KAZN: variants seen among roughly 807,000 people sequenced by gnomAD.
KAZN encodes kazrin.
A neutral mutation model predicts 87.4 loss-of-function variants in KAZN; 40 were observed. The observed-to-expected ratio is 0.46, with a 90% CI of 0.36 to 0.60. The LOEUF is 0.60. Among genes scored for constraint, KAZN ranks in the 20% least tolerant of loss-of-function variants. KAZN has a pLI of 0.00. For synonymous variants in KAZN, 466 were observed against 458.3 expected, an observed-to-expected ratio of 1.02 and a Z score of -0.22; for missense variants, 898 against 1,073.9, an observed-to-expected ratio of 0.84 and a Z score of 2.29.
At chr1:14,719,757 T>G (rs1488396438) in intron 1 of KAZN, among the ~76,000 whole-genome samples, 3 of 152,132 alleles carry the variant, frequency 2.0e-5, no homozygotes, top group Non-Finnish European at 4.4e-5. Flanking sequence ...GAGAATCACT[T>G]GAACCCAGGA....
chr1:14,874,519 T>TGGACGGAC (rs60411068), intron 1 of KAZN, among the ~76,000 whole-genome samples: 1 of 144,476 alleles, frequency 6.9e-6, no homozygotes, highest in South Asian at 2.1e-4. Flanking sequence ...GATGGATGGA[T>TGGACGGAC]GGACAGATGG....
intron 2 of KAZN, among the ~76,000 whole-genome samples, chr1:14,498,407 G>A (rs1403919836): frequency 6.6e-6 from 1 of 152,202 alleles, no homozygotes; most frequent in African/African-American, 2.4e-5. Flanking sequence ...AAACTGGAGG[G>A]TAGGCCAGGC....
At chr1:14,412,711 C>A (rs1241228624) in intron 2 of KAZN, among the ~76,000 whole-genome samples, 1 of 151,612 alleles carries the variant, frequency 6.6e-6, no homozygotes, top group Non-Finnish European at 1.5e-5. Context: ...CTAAACCAGT[C>A]TATAAAGTTA....
chr1:14,281,916 G>A (rs548349930), intron 2 of KAZN, among the ~76,000 whole-genome samples: 1 of 152,094 alleles, frequency 6.6e-6, no homozygotes, highest in South Asian at 2.1e-4. Flanking sequence ...GGGACTTTTG[G>A]GTAAAGTCCT....
chr1:15,037,559 G>C (rs1032157441), intron 3 of KAZN, among the ~76,000 whole-genome samples: 1 of 152,070 alleles, frequency 6.6e-6, no homozygotes, highest in Non-Finnish European at 1.5e-5. Context: ...GGAAAGCAAG[G>C]GGGGTAGGGG....
intron 1 of KAZN, among the ~76,000 whole-genome samples, chr1:14,796,639 T>A (rs545456915): frequency 6.6e-6 from 1 of 152,362 alleles, no homozygotes; most frequent in South Asian, 2.1e-4. Flanking sequence ...TCGCCGTATT[T>A]TGGAAGATCA....
chr1:14,410,058 C>T (rs556266907), intron 2 of KAZN, among the ~76,000 whole-genome samples: 19 of 152,242 alleles, frequency 1.2e-4, no homozygotes, highest in African/African-American at 4.6e-4. Flanking sequence ...AGGCAAAAAT[C>T]ATGAGAGATC....
At chr1:13,926,650 G>A (rs967892522) in intron 1 of KAZN, among the ~76,000 whole-genome samples, 5 of 119,832 alleles carry the variant, frequency 4.2e-5, no homozygotes, top group African/African-American at 9.9e-5. Context: ...ATCTTTAAGA[G>A]TTAAAAAAAA....
intron 1 of KAZN, among the ~76,000 whole-genome samples, chr1:14,959,189 C>G (rs1333017427): frequency 2.0e-5 from 3 of 152,234 alleles, no homozygotes; most frequent in Non-Finnish European, 2.9e-5. Context: ...CCACCCGCCC[C>G]TAGAGCCAAC....
chr1:14,275,658 G>A (rs1652291504), intron 2 of KAZN, among the ~76,000 whole-genome samples: 1 of 152,110 alleles, frequency 6.6e-6, no homozygotes, highest in African/African-American at 2.4e-5. Flanking sequence ...TTTACTATCT[G>A]TTGGTGAATA....
chr1:14,476,723 G>A (rs1374797046), intron 2 of KAZN, among the ~76,000 whole-genome samples: 1 of 152,168 alleles, frequency 6.6e-6, no homozygotes, highest in African/African-American at 2.4e-5. Context: ...CCTCGTAGAG[G>A]GAAGACTGAT....
At position 15,034,692 on chromosome 1, in the gene KAZN, A is replaced by C. The variant is rs955722143; in HGVS notation, c.419-57A>C. On this transcript the variant is annotated intron_variant, in intron 2 of 14. Transcript: ENST00000376030. Reference sequence around the variant, plus strand: ...GCGGTGATGCCACTTCTCAGCACTCAGGCATCTGGAGAGGACAGCTGGGGT... The same window carrying C: ...GCGGTGATGCCACTTCTCAGCACTCCGGCATCTGGAGAGGACAGCTGGGGT... The C allele has an allele frequency of 1.9e-6, 3 of 1,599,820 alleles. No homozygotes were observed. In the African/African-American group the frequency reaches 4.0e-5, roughly 21 times the overall value.
chr1:14,972,812 G>A (rs1221627943), intron 2 of KAZN, among the ~76,000 whole-genome samples: 2 of 152,150 alleles, frequency 1.3e-5, no homozygotes, highest in Non-Finnish European at 2.9e-5. Flanking sequence ...GCTGTGCCTG[G>A]CCGTGAGCTC....
chr1:14,485,390 C>T (rs1237598206), intron 2 of KAZN, among the ~76,000 whole-genome samples: 1 of 152,160 alleles, frequency 6.6e-6, no homozygotes, highest in African/African-American at 2.4e-5. Context: ...AGGTGGGGCT[C>T]AGACCTGGAC....
chr1:14,687,655 A>G (rs527955390), intron 1 of KAZN, among the ~76,000 whole-genome samples: 6 of 152,186 alleles, frequency 3.9e-5, no homozygotes, highest in Non-Finnish European at 8.8e-5. Context: ...TTGCCAAGGA[A>G]CTGGGATGTG....
intron 1 of KAZN, among the ~76,000 whole-genome samples, chr1:14,637,417 T>C (rs1680074226): frequency 6.6e-6 from 1 of 151,996 alleles, no homozygotes; most frequent in Non-Finnish European, 1.5e-5. Flanking sequence ...ATTCCACAGA[T>C]GAGGAAAACT....
At chr1:14,304,097 A>G (rs1273743937) in intron 2 of KAZN, among the ~76,000 whole-genome samples, 1 of 152,138 alleles carries the variant, frequency 6.6e-6, no homozygotes, top group Non-Finnish European at 1.5e-5. Flanking sequence ...CTTCCTCCTA[A>G]TATTTCTGTT....
intron 1 of KAZN, among the ~76,000 whole-genome samples, chr1:14,929,145 T>G (rs1353674012): frequency 1.3e-5 from 2 of 152,370 alleles, no homozygotes; most frequent in South Asian, 4.1e-4. Context: ...TTAGCATCCT[T>G]TCCCCCTGTG....
At chr1:14,319,977 TG>T (rs1411427305) in intron 2 of KAZN, among the ~76,000 whole-genome samples, 58 of 148,968 alleles carry the variant, frequency 3.9e-4, no homozygotes, top group African/African-American at 1.3e-3. Flanking sequence ...AATAGTTTGT[TG>T]TTATTAAGGT....
Sources: allele counts gnomAD v4.1 joint callset (sites outside exome capture counted in the v4.1 genomes callset), GRCh38; gene constraint gnomAD v4.1.1; transcripts MANE v1.5; gene names NCBI Gene and HGNC (gene_info 2026-07-23, HGNC 2026-07-21).